Variants in HS3ST2 observed in about 807,000 individuals in gnomAD.
HS3ST2 encodes the protein heparan sulfate-glucosamine 3-sulfotransferase 2.
Under a neutral mutation model 26.3 loss-of-function variants are expected in HS3ST2, and 17 were observed. That is an observed-to-expected ratio of 0.65 (90% CI 0.44 to 0.97). The LOEUF (loss-of-function observed/expected upper bound fraction) is 0.97. Ranked by LOEUF, HS3ST2 falls within the 50% of genes least tolerant of loss-of-function variation. The pLI, the probability that HS3ST2 is intolerant of heterozygous loss-of-function variation, is 0.00. For synonymous variants in HS3ST2, 237 were observed against 219.2 expected, an observed-to-expected ratio of 1.08 and a Z score of -0.72; for missense variants, 402 against 501.2, an observed-to-expected ratio of 0.80 and a Z score of 1.89.
At position 22,815,071 on chromosome 16, in the gene HS3ST2, A is replaced by ACGG; in HGVS notation, c.463_465dup (p.Gly155dup). 6.2e-7 allele frequency: 1 copy of ACGG among 1,613,098 alleles called. No individual in the cohort carries two copies. The highest frequency in any genetic ancestry group is 8.5e-7 in the Non-Finnish European group (1 of 1,180,022). On this transcript the variant is annotated inframe_insertion, in exon 1 of 2. Transcript: ENST00000261374. ...GAACCCCACTTCTTTGACAGGAACT[A>ACGG]CGGCCGCGGGCTGGATTGGTACAGG...
In HS3ST2 at chr16:22,871,910, G is replaced by A. The variant is rs559823829; in HGVS notation, c.486-43034G>A. Among the ~76,000 whole-genome samples the A allele has an allele frequency of 3.3e-5, 5 of 152,306 alleles. No homozygotes were observed. In the South Asian group the frequency reaches 8.3e-4, roughly 25 times the overall value. On this transcript the variant is annotated intron_variant, in intron 1 of 1. Coordinates refer to ENST00000261374, the MANE Select transcript of HS3ST2 (RefSeq NM_006043.2). ...TCCAGGGCCAGGGTGGGCTCACCTG[G>A]GAGGTGCAAACAGACTTGGAATAGC...
intron 1 of HS3ST2, among the ~76,000 whole-genome samples, chr16:22,815,571 A>AT (rs1900852375): frequency 1.3e-5 from 2 of 152,102 alleles, no homozygotes; most frequent in African/African-American, 4.8e-5. Context: ...GTTCAGGCCA[A>AT]ATGACAGTGC....
chr16:22,885,051 G>A (rs576122858), intron 1 of HS3ST2, among the ~76,000 whole-genome samples: 1 of 151,924 alleles, frequency 6.6e-6, no homozygotes, highest in Non-Finnish European at 1.5e-5. Context: ...ATGTTAGCCA[G>A]GCTGGTCTTG....
At chr16:22,846,913 C>T (rs529200319) in intron 1 of HS3ST2, among the ~76,000 whole-genome samples, 2 of 152,112 alleles carry the variant, frequency 1.3e-5, no homozygotes, top group Non-Finnish European at 2.9e-5. Flanking sequence ...GGATACACAG[C>T]GTGGAGTTCC....
intron 1 of HS3ST2, among the ~76,000 whole-genome samples, chr16:22,829,420 G>A (rs1901137323): frequency 6.6e-6 from 1 of 152,218 alleles, no homozygotes; most frequent in Non-Finnish European, 1.5e-5. Flanking sequence ...AGGACAATCA[G>A]TAGTCAGTCC....
chr16:22,819,031 CTTCCTTCA>C (rs1567478554), intron 1 of HS3ST2, among the ~76,000 whole-genome samples: 1 of 54,070 alleles, frequency 1.8e-5, no homozygotes, highest in Non-Finnish European at 4.0e-5. Context: ...TCCTTCCTTC[CTTCCTTCA>C]TTCCTTCCTT....
chr16:22,885,118 G>A (rs1902043187), intron 1 of HS3ST2, among the ~76,000 whole-genome samples: 1 of 152,038 alleles, frequency 6.6e-6, no homozygotes, highest in Non-Finnish European at 1.5e-5. Context: ...TGGGATTACA[G>A]GCATAAGCCA....
intron 1 of HS3ST2, among the ~76,000 whole-genome samples, chr16:22,912,538 G>T (rs80096575): frequency 1.3e-5 from 2 of 152,270 alleles, no homozygotes; most frequent in South Asian, 2.1e-4. Context: ...AGGGCAAGCC[G>T]GTGTTGTTAG....
rs570730214 is a variant in HS3ST2, at chr16:22,860,322, A to T, written c.485+45227A>T. Among the ~76,000 whole-genome samples the T allele has an allele frequency of 2.0e-5, 3 of 152,112 alleles. No homozygotes were observed. The South Asian group carries it at 6.2e-4, about 32-fold the overall frequency. ...TTATAAAACCATCAGATCTCGTGAG[A>T]CTTATTCACTATCACGAGAACAGCA... On this transcript the variant is annotated intron_variant, in intron 1 of 1. Transcript: ENST00000261374.
At chr16:22,878,709 G>A (rs1041435711) in intron 1 of HS3ST2, among the ~76,000 whole-genome samples, 2 of 152,138 alleles carry the variant, frequency 1.3e-5, no homozygotes, top group Admixed American at 6.5e-5. Flanking sequence ...CCGAGGGAAG[G>A]GTGTTCCAAT....
intron 1 of HS3ST2, among the ~76,000 whole-genome samples, chr16:22,849,139 A>G (rs1029887081): frequency 6.6e-6 from 1 of 152,142 alleles, no homozygotes; most frequent in Non-Finnish European, 1.5e-5. Flanking sequence ...TGAAGCATGT[A>G]ATGTGCCCTA....
intron 1 of HS3ST2, among the ~76,000 whole-genome samples, chr16:22,892,671 T>C (rs1902146627): frequency 6.6e-6 from 1 of 152,188 alleles, no homozygotes; most frequent in African/African-American, 2.4e-5. Flanking sequence ...AATATCTTAA[T>C]ACTTTGACAG....
intron 1 of HS3ST2, among the ~76,000 whole-genome samples, chr16:22,840,193 CA>C (rs1172055271): frequency 1.3e-5 from 2 of 152,200 alleles, no homozygotes; most frequent in Non-Finnish European, 2.9e-5. Flanking sequence ...ATTGCATGGG[CA>C]CATTTGCCTG....
chr16:22,816,498 G>A (rs1394214663), intron 1 of HS3ST2, among the ~76,000 whole-genome samples: 1 of 152,222 alleles, frequency 6.6e-6, no homozygotes, highest in Admixed American at 6.5e-5. Context: ...AGTGGGTCAT[G>A]CATCATCCTT....
intron 1 of HS3ST2, among the ~76,000 whole-genome samples, chr16:22,877,140 A>T (rs1901931825): frequency 6.6e-6 from 1 of 152,182 alleles, no homozygotes; most frequent in Non-Finnish European, 1.5e-5. Flanking sequence ...TACAAAAAAA[A>T]TGTCAGCTAT....
At chr16:22,818,129 C>A (rs1211288759) in intron 1 of HS3ST2, among the ~76,000 whole-genome samples, 1 of 152,208 alleles carries the variant, frequency 6.6e-6, no homozygotes, top group Non-Finnish European at 1.5e-5. Flanking sequence ...AACTATGTGT[C>A]TGGCCTGGGT....
intron 1 of HS3ST2, among the ~76,000 whole-genome samples, chr16:22,869,432 CTG>C (rs1202439890): frequency 1.3e-5 from 2 of 152,170 alleles, no homozygotes; most frequent in Non-Finnish European, 2.9e-5. Flanking sequence ...CTGTTAAAAA[CTG>C]TGTTAGTCTG....
At chr16:22,910,186 T>C (rs763542394) in intron 1 of HS3ST2, among the ~76,000 whole-genome samples, 11 of 152,110 alleles carry the variant, frequency 7.2e-5, no homozygotes, top group Admixed American at 1.3e-4. Flanking sequence ...CAAAAAGAGA[T>C]GTTAATTGGT....
chr16:22,885,963 T>C (rs1902053513), intron 1 of HS3ST2, among the ~76,000 whole-genome samples: 1 of 152,156 alleles, frequency 6.6e-6, no homozygotes, highest in South Asian at 2.1e-4. Context: ...AATCAGCCTT[T>C]CTTTCCTGGC....
Sources: allele counts gnomAD v4.1 joint callset (sites outside exome capture counted in the v4.1 genomes callset), GRCh38; gene constraint gnomAD v4.1.1; transcripts MANE v1.5; gene names NCBI Gene and HGNC (gene_info 2026-07-23, HGNC 2026-07-21).